LRP1B: variants seen among roughly 807,000 people sequenced by gnomAD.
LRP1B encodes low-density lipoprotein receptor-related protein 1B.
In LRP1B, 217 loss-of-function variants were observed where a neutral mutation model predicts 556.6. That is an observed-to-expected ratio of 0.39 (90% CI 0.35 to 0.44). The LOEUF (loss-of-function observed/expected upper bound fraction) is 0.44, where lower values mean the gene tolerates loss of function less well. LRP1B is among the 20% of genes least tolerant of loss of function. The probability of loss-of-function intolerance (pLI) is 1.00; values close to 1 mark genes in which losing one functional copy is unlikely to be tolerated. For missense variants in LRP1B, 5,053 were observed against 5,620.8 expected (o/e 0.90, Z 3.23); for synonymous variants, 2,047 against 1,865.8 (o/e 1.10, Z -2.50).
intron 2 of LRP1B, among the ~76,000 whole-genome samples, chr2:141,701,728 T>C (rs1301404239): frequency 6.6e-6 from 1 of 151,930 alleles, no homozygotes; most frequent in Non-Finnish European, 1.5e-5. Context: ...TACATTGCCC[T>C]AAGACAGTCT....
At chr2:140,270,419 C>T in intron 85 of LRP1B, 73 bp from the exon 86 acceptor site, 1 of 976,614 alleles carries the variant, frequency 1.0e-6, no homozygotes, top group South Asian at 1.3e-5. Context: ...GACATAAACT[C>T]TCTGTGGATG....
At chr2:142,057,584 AATCT>A (rs1295292127) in intron 1 of LRP1B, among the ~76,000 whole-genome samples, 2 of 152,168 alleles carry the variant, frequency 1.3e-5, no homozygotes, top group African/African-American at 4.8e-5. Flanking sequence ...GTGCTTTAAC[AATCT>A]ATCTGTGTTT....
At chr2:140,291,600 G>A (rs566508989) in intron 84 of LRP1B, among the ~76,000 whole-genome samples, 13 of 151,754 alleles carry the variant, frequency 8.6e-5, no homozygotes, top group African/African-American at 2.7e-4. Flanking sequence ...TGAGAATGAT[G>A]GTTTCCAGCT....
At position 141,103,662 on chromosome 2, in the gene LRP1B, A is replaced by C. The variant is rs530977674; in HGVS notation, c.1014-41389T>G. Among the ~76,000 whole-genome samples, 13 of 151,466 alleles carry C rather than the reference A, an allele frequency of 8.6e-5. No individual in the cohort carries two copies. The South Asian group carries it at 2.5e-3, about 29-fold the overall frequency. ...ATTTTTGAATCACCAAGCTAATTCA[A>C]TTCTTGCCAATACAACTGTGAAAAA... On this transcript the variant is annotated intron_variant, in intron 7 of 90. Transcript: ENST00000389484.
At chr2:140,582,794 T>C (rs574270244) in intron 43 of LRP1B, among the ~76,000 whole-genome samples, 86 of 152,310 alleles carry the variant, frequency 5.6e-4, no homozygotes, top group Middle Eastern at 3.4e-3. Flanking sequence ...TAGTTGGTTA[T>C]AGAAGCATAA....
chr2:140,487,603 T>A lies in LRP1B; in HGVS notation c.9243+14A>T. The A allele has an allele frequency of 1.3e-6, 2 of 1,599,292 alleles. No individual in the cohort carries two copies. The highest frequency in any genetic ancestry group is 1.7e-6 in the Non-Finnish European group (2 of 1,168,906). Reference sequence around the variant, plus strand: ...ATAATATTCAACAATCCCATCATTGTAATATTTAGTTACCTTAATGTCACT... The same window carrying A: ...ATAATATTCAACAATCCCATCATTGAAATATTTAGTTACCTTAATGTCACT... On this transcript the variant is annotated intron_variant, in intron 58 of 90. Coordinates refer to ENST00000389484, the MANE Select transcript of LRP1B (RefSeq NM_018557.3).
At chr2:140,323,792 T>TAAGACATTTACATAGTTAAGATATTTAAA in intron 81 of LRP1B, 101 bp downstream of exon 81, 1 of 567,170 alleles carries the variant, frequency 1.8e-6, no homozygotes. Context: ...TTACTGAGGT[T>TAAGACATTTACATAGTTAAGATATTTAAA]AAGACATTTA....
chr2:140,251,972 A>G lies in LRP1B; in HGVS notation c.13248-4810T>C, dbSNP rs566480537. On this transcript the variant is annotated intron_variant, in intron 86 of 90. Transcript: ENST00000389484. ...GGTGAGCATATAAAACTACATTTAT[A>G]TAATATTTCTCACTTGAAAGGTCTA... 4.7e-5 allele frequency among the ~76,000 whole-genome samples: 7 copies of G among 149,072 alleles called. No homozygotes were observed. In the South Asian group the frequency reaches 1.5e-3, roughly 32 times the overall value.
chr2:140,971,146 CG>C (rs1696410619), intron 18 of LRP1B, among the ~76,000 whole-genome samples: 1 of 152,088 alleles, frequency 6.6e-6, no homozygotes, highest in Non-Finnish European at 1.5e-5. Context: ...TCTTTGCAGA[CG>C]TAAAGTTAAG....
At chr2:140,630,191 G>A (rs1324361378) in intron 41 of LRP1B, among the ~76,000 whole-genome samples, 2 of 152,110 alleles carry the variant, frequency 1.3e-5, no homozygotes, top group Non-Finnish European at 2.9e-5. Flanking sequence ...CTTTGGAGAT[G>A]GTGCCTGGCA....
intron 3 of LRP1B, among the ~76,000 whole-genome samples, chr2:141,395,608 C>A (rs777890322): frequency 2.0e-5 from 3 of 151,882 alleles, no homozygotes. Context: ...GATGAGGATC[C>A]CAACAGAATG....
At chr2:140,959,677 C>G (rs571540377) in intron 18 of LRP1B, among the ~76,000 whole-genome samples, 121 of 151,740 alleles carry the variant, frequency 8.0e-4, no homozygotes, top group Non-Finnish European at 1.3e-3. Context: ...TGAAGTATCT[C>G]AAGTAAATTA....
intron 71 of LRP1B, among the ~76,000 whole-genome samples, chr2:140,365,444 A>G (rs1682715988): frequency 6.6e-6 from 1 of 151,776 alleles, no homozygotes; most frequent in Non-Finnish European, 1.5e-5. Flanking sequence ...CTCATATAAA[A>G]TTCTTAAGTA....
intron 32 of LRP1B, among the ~76,000 whole-genome samples, chr2:140,789,847 G>A (rs1054784827): frequency 5.3e-5 from 8 of 151,480 alleles, no homozygotes; most frequent in Middle Eastern, 3.4e-3. Context: ...AGCCGGGATG[G>A]TCTCGATCTC....
intron 1 of LRP1B, among the ~76,000 whole-genome samples, chr2:142,118,255 C>T (rs974355583): frequency 6.6e-6 from 1 of 152,116 alleles, no homozygotes; most frequent in African/African-American, 2.4e-5. Flanking sequence ...GGAGCCATTA[C>T]TGTTGTATTT....
chr2:140,743,511 T>C (rs1006095913), intron 35 of LRP1B, among the ~76,000 whole-genome samples: 9 of 152,170 alleles, frequency 5.9e-5, no homozygotes, highest in Non-Finnish European at 1.3e-4. Context: ...CTGTCTTGTG[T>C]CTCAGTTTCC....
intron 49 of LRP1B, among the ~76,000 whole-genome samples, chr2:140,524,228 T>G (rs552534958): frequency 6.6e-6 from 1 of 152,008 alleles, no homozygotes; most frequent in Admixed American, 6.6e-5. Flanking sequence ...AAAAAAGTGC[T>G]CAATATCACT....
chr2:140,725,950 T>C (rs1037019084), intron 35 of LRP1B, among the ~76,000 whole-genome samples: 1 of 152,142 alleles, frequency 6.6e-6, no homozygotes, highest in Non-Finnish European at 1.5e-5. Context: ...AGTTCTCAAA[T>C]GGCTACCCAT....
chr2:141,931,664 AT>A (rs1700510717), intron 1 of LRP1B, among the ~76,000 whole-genome samples: 1 of 152,026 alleles, frequency 6.6e-6, no homozygotes, highest in African/African-American at 2.4e-5. Context: ...TCATTTATTC[AT>A]TCAGTGCACA....
Sources: allele counts gnomAD v4.1 joint callset (sites outside exome capture counted in the v4.1 genomes callset), GRCh38; gene constraint gnomAD v4.1.1; transcripts MANE v1.5; gene names NCBI Gene and HGNC (gene_info 2026-07-23, HGNC 2026-07-21).